THSD7A: variants seen among roughly 807,000 people sequenced by gnomAD.
THSD7A encodes the protein thrombospondin type-1 domain-containing protein 7A.
In THSD7A, 96 loss-of-function variants were observed where a neutral mutation model predicts 231.3. That is an observed-to-expected ratio of 0.41 (90% CI 0.35 to 0.49). THSD7A has a LOEUF of 0.49. Ranked by LOEUF, THSD7A falls within the 20% of genes least tolerant of loss-of-function variation. THSD7A has a pLI of 0.05. For synonymous variants in THSD7A, 940 were observed against 743.3 expected (o/e 1.26, Z -4.30); for missense variants, 2,290 against 2,070.2 (o/e 1.11, Z -2.06).
chr7:11,573,322 T>C (rs1275962009), intron 4 of THSD7A, among the ~76,000 whole-genome samples: 1 of 152,240 alleles, frequency 6.6e-6, no homozygotes, highest in Non-Finnish European at 1.5e-5. Context: ...ACTCTTGGAC[T>C]CTGTCCTTTC....
intron 23 of THSD7A, among the ~76,000 whole-genome samples, chr7:11,388,910 G>A (rs1431748436): frequency 6.6e-6 from 1 of 152,138 alleles, no homozygotes; most frequent in African/African-American, 2.4e-5. Context: ...ATGTAGTTGT[G>A]CAGTTTTGAG....
chr7:11,496,773 A>T (rs565881189), intron 6 of THSD7A, among the ~76,000 whole-genome samples: 109 of 152,350 alleles, frequency 7.2e-4, no homozygotes, highest in African/African-American at 2.5e-3. Context: ...CAAACATGCA[A>T]AACATACAAT....
At chr7:11,674,985 C>T (rs924857250) in intron 1 of THSD7A, among the ~76,000 whole-genome samples, 1 of 152,044 alleles carries the variant, frequency 6.6e-6, no homozygotes, top group Non-Finnish European at 1.5e-5. Context: ...ACAAGATGGC[C>T]GAATAGGAAC....
At position 11,477,321 on chromosome 7, in the gene THSD7A, A is replaced by C. The variant is rs142796621; in HGVS notation, c.2018-2753T>G. On this transcript the variant is annotated intron_variant, in intron 7 of 27. Coordinates refer to ENST00000423059, the MANE Select transcript of THSD7A (RefSeq NM_015204.3). ...AGAGTTTATCTGATGTTTCCTCATGACTAGATTCTATATATGCATCTTTGA... is the reference window on the plus strand; with the variant it reads ...AGAGTTTATCTGATGTTTCCTCATGCCTAGATTCTATATATGCATCTTTGA... Among the ~76,000 whole-genome samples, 83 of 152,280 alleles carry C rather than the reference A, an allele frequency of 5.5e-4. No individual in the cohort carries two copies. In the East Asian group the frequency reaches 0.015, roughly 28 times the overall value.
At chr7:11,645,332 T>C (rs1377661497) in intron 1 of THSD7A, among the ~76,000 whole-genome samples, 2 of 151,856 alleles carry the variant, frequency 1.3e-5, no homozygotes, top group African/African-American at 4.8e-5. Context: ...GTATTTCCCA[T>C]CAGTGTTTTG....
intron 13 of THSD7A, among the ~76,000 whole-genome samples, chr7:11,432,265 C>T (rs1404645109): frequency 6.6e-6 from 1 of 152,042 alleles, no homozygotes; most frequent in Non-Finnish European, 1.5e-5. Context: ...CTATAAGATA[C>T]AGACAGAACC....
chr7:11,712,125 T>C (rs1780988500), intron 1 of THSD7A, among the ~76,000 whole-genome samples: 1 of 151,064 alleles, frequency 6.6e-6, no homozygotes, highest in African/African-American at 2.4e-5. Flanking sequence ...CTATGGTATA[T>C]GTTTCCAAGT....
At chr7:11,709,991 C>T (rs959454710) in intron 1 of THSD7A, among the ~76,000 whole-genome samples, 1 of 150,840 alleles carries the variant, frequency 6.6e-6, no homozygotes, top group African/African-American at 2.4e-5. Context: ...TGGCTACTAC[C>T]TACTTCTTTA....
chr7:11,741,675 T>C (rs983086196), intron 1 of THSD7A, among the ~76,000 whole-genome samples: 1 of 151,906 alleles, frequency 6.6e-6, no homozygotes, highest in African/African-American at 2.4e-5. Flanking sequence ...TTTTAAATTA[T>C]AAGGTTAAAA....
At chr7:11,544,202 C>T (rs576101757) in intron 4 of THSD7A, among the ~76,000 whole-genome samples, 18 of 152,134 alleles carry the variant, frequency 1.2e-4, no homozygotes, top group Admixed American at 2.6e-4. Context: ...ATTAGCTGGG[C>T]GTGGTGGTGC....
chr7:11,411,208 G>T lies in THSD7A; in HGVS notation c.3797C>A (p.Ala1266Glu), dbSNP rs200932314. 1.2e-6 allele frequency: 2 copies of T among 1,609,238 alleles called. No homozygotes were observed. The highest frequency in any genetic ancestry group is 1.7e-4 in the Middle Eastern group (1 of 6,048). ...GKSVDLKYCE[A>E]LGLEKNWQMN... Reference sequence around the variant, plus strand: ...AGATATAACACAGCATCCACCTACCGCTTCACAATATTTCAGGTCAACTGA... The same window carrying T: ...AGATATAACACAGCATCCACCTACCTCTTCACAATATTTCAGGTCAACTGA... Residue 1266 changes from alanine (A) to glutamate (E), a missense_variant and splice_region_variant, in exon 19 of 28, where the codon GCG (alanine) becomes GAG (glutamate). By Grantham distance (107) the Ala-to-Glu change is moderately radical. Transcript: ENST00000423059. This position sits in a 1 kb window ranked among gnomAD's most constrained non-coding sequence, Gnocchi z 4.1.
intron 4 of THSD7A, among the ~76,000 whole-genome samples, chr7:11,570,067 G>T (rs1436350005): frequency 6.6e-6 from 1 of 152,108 alleles, no homozygotes; most frequent in Non-Finnish European, 1.5e-5. Context: ...AGCTACTCAG[G>T]AGACTGAGTT....
Position 11,411,923 on chromosome 7 carries a change from T to G in THSD7A, c.3683-601A>C, listed in dbSNP as rs1783800823. Among the ~76,000 whole-genome samples the G allele has an allele frequency of 6.6e-6, 1 of 151,746 alleles. No homozygotes were observed. The highest frequency in any genetic ancestry group is 6.6e-5 in the Admixed American group (1 of 15,222). On this transcript the variant is annotated intron_variant, in intron 18 of 27. Transcript: ENST00000423059. This position sits in a 1 kb window ranked among gnomAD's most constrained non-coding sequence, Gnocchi z 4.1. The stretch of plus-strand genomic sequence containing the variant: ...ACTGTGATTTTTTTTTTTTGTATCA[T>G]CAAAGGAAACTGAAGAGAAAAACCA...
intron 1 of THSD7A, among the ~76,000 whole-genome samples, chr7:11,646,315 T>G (rs2128366065): frequency 6.6e-6 from 1 of 152,156 alleles, no homozygotes; most frequent in Non-Finnish European, 1.5e-5. Flanking sequence ...TATATAGGAT[T>G]TCAGTATAAA....
At chr7:11,413,296 A>G (rs1562590647) in intron 17 of THSD7A, among the ~76,000 whole-genome samples, 2 of 144,082 alleles carry the variant, frequency 1.4e-5, no homozygotes, top group African/African-American at 2.8e-5. Context: ...TAGAATTGAG[A>G]AAAAAAAATA....
Position 11,634,700 on chromosome 7 carries a change from A to T in THSD7A, c.1022+1430T>A, listed in dbSNP as rs779524476. Among the ~76,000 whole-genome samples, 2 of 152,098 alleles carry T rather than the reference A, an allele frequency of 1.3e-5. No homozygotes were observed. Among genetic ancestry groups the T allele is most frequent in the Non-Finnish European group, 2.9e-5 (2 of 68,008 alleles). ...CATTCAAGGCCACAGGACCAGAACTAGAATGGAAAAAGGGCAAATTACCGT... is the reference window on the plus strand; with the variant it reads ...CATTCAAGGCCACAGGACCAGAACTTGAATGGAAAAAGGGCAAATTACCGT... On this transcript the variant is annotated intron_variant, in intron 2 of 27. Coordinates refer to ENST00000423059, the MANE Select transcript of THSD7A (RefSeq NM_015204.3). The surrounding 1 kb of genome is among the most constrained non-coding windows in gnomAD (Gnocchi z 4.1).
intron 1 of THSD7A, among the ~76,000 whole-genome samples, chr7:11,666,153 A>T (rs1783122241): frequency 6.6e-6 from 1 of 152,036 alleles, no homozygotes; most frequent in South Asian, 2.1e-4. Context: ...AATATTAGAG[A>T]TTGAGTATTC....
At chr7:11,773,790 G>A (rs547125620) in intron 1 of THSD7A, among the ~76,000 whole-genome samples, 25 of 151,968 alleles carry the variant, frequency 1.6e-4, no homozygotes, top group African/African-American at 5.8e-4. Context: ...TTTCTACATG[G>A]TAAACTCATT....
chr7:11,415,320 G>A (rs1783925213), intron 17 of THSD7A, among the ~76,000 whole-genome samples: 1 of 152,072 alleles, frequency 6.6e-6, no homozygotes. Context: ...AAACGGCCTC[G>A]GGCATCATGA....
Sources: allele counts gnomAD v4.1 joint callset (sites outside exome capture counted in the v4.1 genomes callset), GRCh38; gene constraint gnomAD v4.1.1; non-coding constraint Gnocchi (gnomAD v3.1); transcripts MANE v1.5; gene names NCBI Gene and HGNC (gene_info 2026-07-23, HGNC 2026-07-21).